GLRB: variants seen among roughly 807,000 people sequenced by gnomAD.
GLRB encodes glycine receptor subunit beta.
A neutral mutation model predicts 54.2 loss-of-function variants in GLRB; 33 were observed. The ratio of observed to expected loss-of-function variants is 0.61; its 90% CI spans 0.46 to 0.81. The LOEUF is 0.81. Among genes scored for constraint, GLRB ranks in the 40% least tolerant of loss-of-function variants. The pLI is 0.00. For missense variants in GLRB, 572 were observed against 584.6 expected, an observed-to-expected ratio of 0.98 and a Z score of 0.22; for synonymous variants, 209 against 208.2, an observed-to-expected ratio of 1.00 and a Z score of -0.03.
chr4:157,144,676 G>A (rs1314922285), intron 8 of GLRB, among the ~76,000 whole-genome samples: 1 of 152,176 alleles, frequency 6.6e-6, no homozygotes, highest in Non-Finnish European at 1.5e-5. Flanking sequence ...GTGTCTGTGT[G>A]TTTTCTGAAT....
intron 8 of GLRB, among the ~76,000 whole-genome samples, chr4:157,152,415 A>T (rs1737056016): frequency 1.3e-5 from 2 of 152,172 alleles, no homozygotes; most frequent in Admixed American, 1.3e-4. Flanking sequence ...GAGATACTAT[A>T]CAATAGTTTT....
chr4:157,132,980 TAA>T (rs1736271238), intron 4 of GLRB, among the ~76,000 whole-genome samples: 1 of 149,672 alleles, frequency 6.7e-6, no homozygotes, highest in Non-Finnish European at 1.5e-5. Flanking sequence ...GGCTAGCACC[TAA>T]TGTAGTGCTT....
chr4:157,126,128 T>C (rs1736009132), intron 4 of GLRB, among the ~76,000 whole-genome samples: 1 of 151,884 alleles, frequency 6.6e-6, no homozygotes, highest in African/African-American at 2.4e-5. Context: ...GTGGATAATG[T>C]TGATTATCAA....
chr4:157,099,143 A>G (rs1478830140), intron 2 of GLRB, among the ~76,000 whole-genome samples: 1 of 152,034 alleles, frequency 6.6e-6, no homozygotes, highest in African/African-American at 2.4e-5. Flanking sequence ...TAGGCAAGCA[A>G]GAGGGTCATC....
chr4:157,163,137 C>A (rs143523331), intron 9 of GLRB, among the ~76,000 whole-genome samples: 1 of 152,276 alleles, frequency 6.6e-6, no homozygotes, highest in East Asian at 1.9e-4. Flanking sequence ...CTCCGAGCCA[C>A]GCATGGGATA....
intron 2 of GLRB, among the ~76,000 whole-genome samples, chr4:157,107,155 T>G (rs543309786): frequency 6.6e-6 from 1 of 151,814 alleles, no homozygotes; most frequent in African/African-American, 2.4e-5. Flanking sequence ...CAACTGGGAG[T>G]CTGTCTTTTC....
intron 2 of GLRB, among the ~76,000 whole-genome samples, chr4:157,081,219 A>C (rs980613589): frequency 1.3e-5 from 2 of 152,136 alleles, no homozygotes; most frequent in African/African-American, 4.8e-5. Context: ...TTACCTTTTT[A>C]TTTTACAGCT....
rs149695401 is a variant in GLRB, at chr4:157,140,049, A to G, written c.751+1100A>G. Among the ~76,000 whole-genome samples, 767 of 152,132 alleles carry G rather than the reference A, an allele frequency of 5.0e-3. 23 individuals are homozygous for G. Among genetic ancestry groups the G allele is most frequent in the Admixed American group, 0.046 (707 of 15,278 alleles). ...AGGCAGCTTGGGGATACAGTTAAAC[A>G]TCTATTGTTGACTTCAAAATACATT... On this transcript the variant is annotated intron_variant, in intron 7 of 9. Coordinates refer to ENST00000264428, the MANE Select transcript of GLRB (RefSeq NM_000824.5).
intron 3 of GLRB, among the ~76,000 whole-genome samples, chr4:157,121,183 G>A (rs1012341055): frequency 6.6e-6 from 1 of 151,610 alleles, no homozygotes; most frequent in African/African-American, 2.4e-5. Context: ...TTAAAAGCAT[G>A]TTAGCTTTGT....
rs1737920456 is a variant in GLRB at position 157,171,476 on chromosome 4, A to G, written c.*748A>G. 1 of 152,294 alleles carries G rather than the reference A, an allele frequency of 6.6e-6. No homozygotes were observed. Among genetic ancestry groups the G allele is most frequent in the Non-Finnish European group, 1.5e-5 (1 of 67,782 alleles). 9.4% of individuals were successfully genotyped at this position (152,294 alleles called of 1,614,324 possible). A position where few individuals can be genotyped will look rare whatever the true frequency, so the allele number is the denominator to read the frequency against. The stretch of plus-strand genomic sequence containing the variant: ...CTATTTAATCCACCTTAAAACCTAA[A>G]TGTATTTTCATGGATTTCATTTGTT... On this transcript the variant is annotated 3_prime_UTR_variant, in exon 10 of 10. Coordinates refer to ENST00000264428, the MANE Select transcript of GLRB (RefSeq NM_000824.5).
intron 2 of GLRB, among the ~76,000 whole-genome samples, chr4:157,094,604 A>G (rs1250530374): frequency 6.6e-6 from 1 of 152,224 alleles, no homozygotes; most frequent in Non-Finnish European, 1.5e-5. Context: ...GGTAGCCTAA[A>G]GGCCAACAAA....
At chr4:157,132,062 G>A (rs7663432) in intron 4 of GLRB, among the ~76,000 whole-genome samples, 6,492 of 151,692 alleles carry the variant, frequency 0.043, 137 homozygotes, top group African/African-American at 0.058. Context: ...ACATCCTTGC[G>A]TTCGTTTTTG....
intron 8 of GLRB, among the ~76,000 whole-genome samples, chr4:157,146,160 G>C (rs7674471): frequency 0.052 from 7,827 of 151,820 alleles, 326 homozygotes; most frequent in African/African-American, 0.12. Context: ...GGGATTACAG[G>C]CACCCACCAC....
chr4:157,091,797 T>C (rs1241746658), intron 2 of GLRB, among the ~76,000 whole-genome samples: 1 of 152,214 alleles, frequency 6.6e-6, no homozygotes, highest in Non-Finnish European at 1.5e-5. Flanking sequence ...TTGGTGTTCC[T>C]GGGCAGCCTG....
intron 9 of GLRB, among the ~76,000 whole-genome samples, chr4:157,154,680 G>A (rs1737159644): frequency 6.6e-6 from 1 of 151,944 alleles, no homozygotes; most frequent in Non-Finnish European, 1.5e-5. Context: ...GCCCACATTG[G>A]CCTCCCAAAG....
At chr4:157,170,348 A>G in intron 9 of GLRB, 84 bp from the exon 10 acceptor site, 1 of 792,976 alleles carries the variant, frequency 1.3e-6, no homozygotes, top group South Asian at 1.6e-5. Context: ...TGTAGAAACT[A>G]GCAATTTTAA....
At chr4:157,146,635 A>G (rs1331949369) in intron 8 of GLRB, among the ~76,000 whole-genome samples, 1 of 151,850 alleles carries the variant, frequency 6.6e-6, no homozygotes, top group Admixed American at 6.6e-5. Flanking sequence ...CCTTGCCAAC[A>G]TGGTAAAACC....
chr4:157,110,085 G>C (rs1280745753), intron 2 of GLRB, among the ~76,000 whole-genome samples: 2 of 151,814 alleles, frequency 1.3e-5, no homozygotes, highest in Non-Finnish European at 2.9e-5. Context: ...TTGCGGGGTG[G>C]GAATAAGGCT....
chr4:157,170,827 C>A lies in GLRB; in HGVS notation c.*99C>A. 1 of 670,622 alleles carries A rather than the reference C, an allele frequency of 1.5e-6. No individual in the cohort carries two copies. The highest frequency in any genetic ancestry group is 2.2e-5 in the South Asian group (1 of 45,590). The allele number at this position is 670,622 out of a possible 1,614,324, so 41.5% of individuals were successfully genotyped here. A position where few individuals can be genotyped will look rare whatever the true frequency, so the allele number is the denominator to read the frequency against. ...GAGAACTTTTGAATTTTCATAGCAA[C>A]ATTGCATTTTGGATGCCATTTGATT... is the stretch of plus-strand genomic sequence containing the variant. On this transcript the variant is annotated 3_prime_UTR_variant, in exon 10 of 10. Transcript: ENST00000264428.
Sources: gnomAD v4.1 joint callset for allele counts (sites outside exome capture counted in the v4.1 genomes callset) on GRCh38, gnomAD v4.1.1 for gene constraint, MANE v1.5 for transcripts, NCBI Gene and HGNC (gene_info 2026-07-23, HGNC 2026-07-21) for gene names.